ZNF892: variants seen among roughly 807,000 people sequenced by gnomAD.
ZNF892 encodes the protein zinc finger protein 570-like.
chr2:95,250,550 A>C, the ZNF892 span, among the ~76,000 whole-genome samples: 8 of 147,146 alleles, frequency 5.4e-5, no homozygotes, highest in South Asian at 4.2e-4. Flanking sequence ...TAAATTTAAA[A>C]TAGTCATAAA....
the ZNF892 span, among the ~76,000 whole-genome samples, chr2:95,230,412 ATGT>A: frequency 3.9e-5 from 6 of 152,172 alleles, no homozygotes; most frequent in African/African-American, 1.4e-4. Context: ...AGTATTACTA[ATGT>A]TGATCACTTT....
chr2:95,207,115 G>A, the ZNF892 span, among the ~76,000 whole-genome samples: 4 of 152,338 alleles, frequency 2.6e-5, no homozygotes, highest in South Asian at 8.3e-4. Flanking sequence ...CCTGGTTAAA[G>A]TAAACTGAGA....
chr2:95,252,297 C>T, the ZNF892 span, among the ~76,000 whole-genome samples: 2 of 146,718 alleles, frequency 1.4e-5, no homozygotes, highest in African/African-American at 2.5e-5. Context: ...CATGTGTTCT[C>T]ATTGTTCAAT....
chr2:95,230,796 T>TA, the ZNF892 span, among the ~76,000 whole-genome samples: 1 of 152,344 alleles, frequency 6.6e-6, no homozygotes, highest in East Asian at 1.9e-4. Context: ...GGGTTGCTCT[T>TA]ATGTTTTCAT....
chr2:95,248,534 C>T, the ZNF892 span, among the ~76,000 whole-genome samples: 42 of 152,164 alleles, frequency 2.8e-4, no homozygotes, highest in South Asian at 8.7e-3. Context: ...CGAAGCACAA[C>T]AAATTATTTT....
At chr2:95,251,023 G>A in the ZNF892 span, among the ~76,000 whole-genome samples, 1 of 149,408 alleles carries the variant, frequency 6.7e-6, no homozygotes, top group Non-Finnish European at 1.5e-5. Context: ...TATTATTTAT[G>A]TAATAAATGC....
At chr2:95,258,516 A>G in the ZNF892 span, among the ~76,000 whole-genome samples, 1 of 152,300 alleles carries the variant, frequency 6.6e-6, no homozygotes, top group Admixed American at 6.5e-5. Context: ...TTGGGAACAG[A>G]TGTGGGTTAC....
At chr2:95,240,990 G>T in the ZNF892 span, among the ~76,000 whole-genome samples, 33 of 152,336 alleles carry the variant, frequency 2.2e-4, no homozygotes, top group South Asian at 6.4e-3. Flanking sequence ...TACGAACAGA[G>T]CTCTGATCTC....
At chr2:95,208,016 C>A in the ZNF892 span, among the ~76,000 whole-genome samples, 1 of 152,192 alleles carries the variant, frequency 6.6e-6, no homozygotes, top group African/African-American at 2.4e-5. Flanking sequence ...GTCTGTAGGG[C>A]GCTGGATGCC....
the ZNF892 span, among the ~76,000 whole-genome samples, chr2:95,212,883 G>T: frequency 6.6e-6 from 1 of 152,224 alleles, no homozygotes; most frequent in Non-Finnish European, 1.5e-5. Context: ...TAATCCAAGA[G>T]AAATGTTTTA....
chr2:95,261,415 C>T, the ZNF892 span, among the ~76,000 whole-genome samples: 8 of 152,216 alleles, frequency 5.3e-5, no homozygotes, highest in Non-Finnish European at 1.2e-4. Flanking sequence ...CTGCCTCAGC[C>T]TCTTGAGTAG....
the ZNF892 span, among the ~76,000 whole-genome samples, chr2:95,253,477 G>A: frequency 6.6e-6 from 1 of 152,122 alleles, no homozygotes; most frequent in Non-Finnish European, 1.5e-5. Context: ...TGCTGTTTTG[G>A]TTACTGTAGC....
the ZNF892 span, among the ~76,000 whole-genome samples, chr2:95,250,562 T>G: frequency 4.1e-5 from 6 of 146,416 alleles, no homozygotes; most frequent in Non-Finnish European, 9.0e-5. Context: ...AGTCATAAAT[T>G]ATTTATAAAT....
the ZNF892 span, among the ~76,000 whole-genome samples, chr2:95,210,336 A>T: frequency 3.2e-4 from 49 of 151,958 alleles, no homozygotes; most frequent in African/African-American, 1.2e-3. Context: ...TTCATTTGCT[A>T]ACCCAAGGGA....
At chr2:95,219,374 G>T in the ZNF892 span, among the ~76,000 whole-genome samples, 6 of 152,030 alleles carry the variant, frequency 3.9e-5, no homozygotes, top group African/African-American at 1.5e-4. Flanking sequence ...CTGCTGTTGA[G>T]ACCATCCTTG....
the ZNF892 span, among the ~76,000 whole-genome samples, chr2:95,260,952 C>G: frequency 6.6e-5 from 10 of 152,324 alleles, no homozygotes; most frequent in African/African-American, 2.2e-4. Flanking sequence ...GGCCTGCAGC[C>G]CAGGTGGTTC....
At chr2:95,211,626 G>C in the ZNF892 span, 1 of 398,616 alleles carries the variant, frequency 2.5e-6, no homozygotes, top group Non-Finnish European at 4.4e-6. Context: ...AGGAATTGAT[G>C]ATCAGGGATA....
the ZNF892 span, among the ~76,000 whole-genome samples, chr2:95,218,902 C>T: frequency 6.6e-6 from 1 of 152,174 alleles, no homozygotes; most frequent in Non-Finnish European, 1.5e-5. Flanking sequence ...AACCTATCTC[C>T]AAATATAGTC....
At chr2:95,220,079 G>A in the ZNF892 span, among the ~76,000 whole-genome samples, 1 of 152,168 alleles carries the variant, frequency 6.6e-6, no homozygotes, top group African/African-American at 2.4e-5. Context: ...GGGGGACGCT[G>A]CCAGGGCAAT....
Sources: gnomAD v4.1 joint callset for allele counts (sites outside exome capture counted in the v4.1 genomes callset) on GRCh38, gnomAD v4.1.1 for gene constraint, MANE v1.5 for transcripts, NCBI Gene and HGNC (gene_info 2026-07-23, HGNC 2026-07-21) for gene names.